ASXL3: variants seen among roughly 807,000 people sequenced by gnomAD.
ASXL3 encodes ASXL transcriptional regulator 3.
A neutral mutation model predicts 170.6 loss-of-function variants in ASXL3; 34 were observed. The observed-to-expected ratio is 0.20, with a 90% CI of 0.15 to 0.27. The LOEUF (loss-of-function observed/expected upper bound fraction) is 0.27, where lower values mean the gene tolerates loss of function less well. Among genes scored for constraint, ASXL3 ranks in the 10% least tolerant of loss-of-function variants. ASXL3 has a pLI of 1.00. For missense variants in ASXL3, 2,592 were observed against 2,695.3 expected (o/e 0.96, Z 0.85); for synonymous variants, 1,002 against 989.1 (o/e 1.01, Z -0.24).
At chr18:33,601,270 T>G (rs2145113293) in intron 1 of ASXL3, among the ~76,000 whole-genome samples, 1 of 149,078 alleles carries the variant, frequency 6.7e-6, no homozygotes, top group East Asian at 2.0e-4. Flanking sequence ...AGGGGCCAGC[T>G]TTTTTTTTTC....
At chr18:33,714,626 C>T (rs1049281154) in intron 8 of ASXL3, among the ~76,000 whole-genome samples, 1 of 152,046 alleles carries the variant, frequency 6.6e-6, no homozygotes, top group African/African-American at 2.4e-5. Flanking sequence ...GCTCCCTTTT[C>T]ATTCTGTCCA....
intron 8 of ASXL3, among the ~76,000 whole-genome samples, chr18:33,696,807 A>G (rs2145316211): frequency 6.6e-6 from 1 of 152,238 alleles, no homozygotes; most frequent in Admixed American, 6.5e-5. Context: ...CCAAAGCCTA[A>G]CTGACCTGCT....
chr18:33,600,517 T>A (rs1356680191), intron 1 of ASXL3, among the ~76,000 whole-genome samples: 1 of 140,266 alleles, frequency 7.1e-6, no homozygotes, highest in African/African-American at 3.3e-5. Context: ...AAGAGAAGTT[T>A]TACTTTGTAA....
Position 33,745,168 on chromosome 18 carries a change from G to A in ASXL3, c.5320G>A (p.Glu1774Lys). ...ACAGCCCAGATTGGGAGCCAAGCTT[G>A]AAATCAACAGGCTTCCATTGCCTCT... ...LPQPRLGAKL[E>K]INRLPLPLQT... is the part of the protein sequence containing the mutation. The change falls in exon 12 of 12, where the codon GAA (glutamate) becomes AAA (lysine). Residue 1774 changes from glutamate (E) to lysine (K), a missense_variant. Physicochemically the swap from Glu to Lys is moderately conservative, Grantham distance 56. Coordinates refer to ENST00000269197, the MANE Select transcript of ASXL3 (RefSeq NM_030632.3). 6.2e-7 allele frequency: 1 copy of A among 1,614,002 alleles called. No individual in the cohort carries two copies. The highest frequency in any genetic ancestry group is 8.5e-7 in the Non-Finnish European group (1 of 1,179,900).
chr18:33,663,972 G>A (rs544689854), intron 5 of ASXL3, among the ~76,000 whole-genome samples: 1 of 151,980 alleles, frequency 6.6e-6, no homozygotes, highest in African/African-American at 2.4e-5. Flanking sequence ...ATCTGTGTTT[G>A]TGAATATATG....
intron 8 of ASXL3, among the ~76,000 whole-genome samples, chr18:33,693,741 C>T (rs2066726144): frequency 6.6e-6 from 1 of 152,128 alleles, no homozygotes; most frequent in South Asian, 2.1e-4. Context: ...AATATTTATG[C>T]ATTTATCTTG....
rs549289445 is a variant in ASXL3, at chr18:33,611,537, A to G, written c.137+3861A>G. ...CAGTTGATCAATCAAAGTTATTGGA[A>G]GGCTTTTCAGATGATTGGAATCATA... On this transcript the variant is annotated intron_variant, in intron 2 of 11. Transcript: ENST00000269197. Among the ~76,000 whole-genome samples, 4 of 152,090 alleles carry G rather than the reference A, an allele frequency of 2.6e-5. No individual in the cohort carries two copies. The South Asian group carries it at 8.3e-4, about 32-fold the overall frequency.
chr18:33,617,530 C>T (rs190766333), intron 2 of ASXL3, among the ~76,000 whole-genome samples: 54 of 152,170 alleles, frequency 3.5e-4, no homozygotes, highest in Non-Finnish European at 6.3e-4. Flanking sequence ...GTTCACATAA[C>T]ATAAACTCAC....
Position 33,645,033 on chromosome 18 carries a change from A to G in ASXL3, c.246+31A>G, listed in dbSNP as rs759138549. 1.0e-5 allele frequency: 14 copies of G among 1,395,958 alleles called. No homozygotes were observed. In the African/African-American group the frequency reaches 1.9e-4, roughly 19 times the overall value. 86.5% of individuals were successfully genotyped at this position (1,395,958 alleles called of 1,614,324 possible). ...TTGCATTGTTCTGCATATTGTTATT[A>G]CTATTATCATGCATTTTTTCAGACA... is the stretch of plus-strand genomic sequence containing the variant. On this transcript the variant is annotated intron_variant, in intron 3 of 11. Transcript: ENST00000269197.
rs1261580258 is a variant in ASXL3, at chr18:33,743,456, C to A, written c.3608C>A (p.Ser1203Tyr). ...ETATDLSVHSSDENIPVSHLS... is the reference protein window; with the variant it reads ...ETATDLSVHSYDENIPVSHLS... The stretch of plus-strand genomic sequence containing the variant: ...GCCACTGACTTATCTGTGCATAGTT[C>A]TGATGAAAACATACCTGTGTCACAT... The change falls in exon 12 of 12, where the codon TCT becomes TAT. Residue 1203 changes from serine to tyrosine, a missense_variant. Coordinates refer to ENST00000269197, the MANE Select transcript of ASXL3 (RefSeq NM_030632.3). 6.2e-7 allele frequency: 1 copy of A among 1,613,536 alleles called. No homozygotes were observed. Among genetic ancestry groups the A allele is most frequent in the Non-Finnish European group, 8.5e-7 (1 of 1,179,874 alleles).
intron 8 of ASXL3, among the ~76,000 whole-genome samples, chr18:33,709,916 A>G (rs958872683): frequency 1.4e-4 from 21 of 152,112 alleles, no homozygotes; most frequent in African/African-American, 4.8e-4. Context: ...CACTCCCACC[A>G]TGACCCCTAG....
chr18:33,701,987 C>T (rs545895506), intron 8 of ASXL3, among the ~76,000 whole-genome samples: 1 of 152,042 alleles, frequency 6.6e-6, no homozygotes, highest in Admixed American at 6.6e-5. Flanking sequence ...TACTATTGTG[C>T]CCCTCTTAAT....
chr18:33,682,594 G>A (rs2066531131), intron 7 of ASXL3, among the ~76,000 whole-genome samples: 1 of 152,016 alleles, frequency 6.6e-6, no homozygotes, highest in Admixed American at 6.6e-5. Flanking sequence ...TGTCACTGAG[G>A]CTGAGTGCAG....
In ASXL3 at chr18:33,739,832, C is replaced by T; in HGVS notation, c.2428C>T (p.Pro810Ser). 1 of 1,613,910 alleles carries T rather than the reference C, an allele frequency of 6.2e-7. No individual in the cohort carries two copies. Among genetic ancestry groups the T allele is most frequent in the Non-Finnish European group, 8.5e-7 (1 of 1,179,862 alleles). The change falls in exon 11 of 12, where the codon CCC becomes TCC. Residue 810 changes from proline (P) to serine (S), a missense_variant. By Grantham distance (74) the Pro-to-Ser change is moderately conservative. Transcript: ENST00000269197. ...GAAGAATCTGTCTAATACTCCCGAA[C>T]CCATCATAATGAGTTCTTCTTCCAT... ...QQKNLSNTPE[P>S]IIMSSSSIAP...
chr18:33,619,916 T>C (rs757201558), intron 2 of ASXL3, among the ~76,000 whole-genome samples: 1 of 152,126 alleles, frequency 6.6e-6, no homozygotes, highest in South Asian at 2.1e-4. Context: ...TAACATCGTT[T>C]TTCCTTTTGA....
In ASXL3 at chr18:33,739,429, T is replaced by C. The variant is rs543971466; in HGVS notation, c.2025T>C (p.Ser675=). The C allele has an allele frequency of 6.2e-7, 1 of 1,613,960 alleles. No homozygotes were observed. The highest frequency in any genetic ancestry group is 1.1e-5 in the South Asian group (1 of 91,084). The change falls in exon 11 of 12, where the codon TCT becomes TCC. Residue 675 remains serine, a synonymous_variant. Transcript: ENST00000269197. The part of the protein sequence containing the change: ...RNSTDENFHA[S]LMSEISPIST... ...CCACTGATGAAAACTTTCATGCATC[T>C]TTGATGTCAGAAATATCTCCAATAT...
intron 7 of ASXL3, among the ~76,000 whole-genome samples, chr18:33,677,154 C>G (rs2066442867): frequency 6.6e-6 from 1 of 152,008 alleles, no homozygotes. Context: ...GGGATTCATT[C>G]CAATGTATTT....
In ASXL3 at chr18:33,739,990, A is replaced by G. The variant is rs570455539; in HGVS notation, c.2586A>G (p.Lys862=). 2.5e-4 allele frequency: 404 copies of G among 1,613,954 alleles called. 6 individuals are homozygous for G. In the South Asian group the frequency reaches 4.2e-3, roughly 17 times the overall value. The change falls in exon 11 of 12, where the codon AAA becomes AAG. Residue 862 remains lysine (K), a synonymous_variant. Transcript: ENST00000269197. The part of the protein sequence containing the change: ...IPELASTEMI[K]VKNHSVLQRT... The stretch of plus-strand genomic sequence containing the variant: ...AACTTGCTTCTACTGAAATGATAAA[A>G]GTTAAAAATCATAGCGTCCTGCAAA...
At chr18:33,723,593 C>G (rs8091920) in intron 8 of ASXL3, among the ~76,000 whole-genome samples, 69,774 of 151,966 alleles carry the variant, frequency 0.46, 16,855 homozygotes, top group East Asian at 0.83. Flanking sequence ...GAAATTGACT[C>G]TGGGTTAAGA....
Sources: allele counts gnomAD v4.1 joint callset (sites outside exome capture counted in the v4.1 genomes callset), GRCh38; gene constraint gnomAD v4.1.1; transcripts MANE v1.5; gene names NCBI Gene and HGNC (gene_info 2026-07-23, HGNC 2026-07-21).